Variants in NCKAP5 observed in about 807,000 individuals in gnomAD.
NCKAP5 encodes the protein nck-associated protein 5.
NCKAP5 carries 92 observed loss-of-function variants against 167.0 expected under a neutral mutation model. That is an observed-to-expected ratio of 0.55 (90% CI 0.47 to 0.66). The LOEUF (loss-of-function observed/expected upper bound fraction) is 0.66, where lower values mean the gene tolerates loss of function less well. Among genes scored for constraint, NCKAP5 ranks in the 30% least tolerant of loss-of-function variants. The pLI is 0.00. For missense variants in NCKAP5, 2,378 were observed against 2,315.0 expected (o/e 1.03, Z -0.56); for synonymous variants, 891 against 877.4 (o/e 1.02, Z -0.27).
At chr2:132,751,382 G>A (rs934080013) in intron 16 of NCKAP5, among the ~76,000 whole-genome samples, 4 of 151,988 alleles carry the variant, frequency 2.6e-5, no homozygotes, top group South Asian at 4.2e-4. Context: ...ATGCTTGTAC[G>A]GCCTGCAGAA....
At chr2:133,565,253 G>A (rs1688464438) in intron 1 of NCKAP5, among the ~76,000 whole-genome samples, 1 of 152,192 alleles carries the variant, frequency 6.6e-6, no homozygotes, top group Non-Finnish European at 1.5e-5. Flanking sequence ...AACCATGGCT[G>A]GATCTGAATC....
At chr2:132,760,467 G>T (rs1184599184) in intron 16 of NCKAP5, among the ~76,000 whole-genome samples, 2 of 152,090 alleles carry the variant, frequency 1.3e-5, no homozygotes, top group African/African-American at 2.4e-5. Flanking sequence ...TCAGAAAGAA[G>T]TTCACTGACA....
chr2:133,165,841 A>G (rs1400504626), intron 5 of NCKAP5, among the ~76,000 whole-genome samples: 5 of 152,224 alleles, frequency 3.3e-5, no homozygotes, highest in African/African-American at 4.8e-5. Flanking sequence ...ATATTTCACT[A>G]TAATCAACTA....
At chr2:133,087,347 T>C (rs528102586) in intron 6 of NCKAP5, among the ~76,000 whole-genome samples, 1 of 152,304 alleles carries the variant, frequency 6.6e-6, no homozygotes, top group African/African-American at 2.4e-5. Context: ...TCTAAAAAAA[T>C]TGCTCCTTCT....
intron 7 of NCKAP5, among the ~76,000 whole-genome samples, chr2:132,967,502 G>A (rs1421667498): frequency 6.6e-6 from 1 of 152,064 alleles, no homozygotes; most frequent in African/African-American, 2.4e-5. Context: ...AGTAAGTTTT[G>A]TCCTTACAGG....
At chr2:133,654,371 C>T in the NCKAP5 span, among the ~76,000 whole-genome samples, 3 of 129,828 alleles carry the variant, frequency 2.3e-5, no homozygotes, top group African/African-American at 8.8e-5. Flanking sequence ...AAGCGAGACT[C>T]TATCTCAAAT....
chr2:132,794,263 T>TATATATATAGAGAGAG (rs762281677), intron 12 of NCKAP5, among the ~76,000 whole-genome samples: 2 of 11,892 alleles, frequency 1.7e-4, no homozygotes, highest in Non-Finnish European at 3.5e-4. Context: ...TATATATATA[T>TATATATATAGAGAGAG]AGAGAGAGAG....
intron 3 of NCKAP5, among the ~76,000 whole-genome samples, chr2:133,312,102 T>C (rs190770594): frequency 6.6e-6 from 1 of 152,262 alleles, no homozygotes; most frequent in East Asian, 1.9e-4. Flanking sequence ...AGATAACTGA[T>C]GATAAGAAAG....
chr2:133,229,964 T>C (rs1308061761), intron 4 of NCKAP5, among the ~76,000 whole-genome samples: 1 of 152,108 alleles, frequency 6.6e-6, no homozygotes, highest in African/African-American at 2.4e-5. Flanking sequence ...TGTGGGAGTG[T>C]ATCTTTATTT....
At chr2:133,217,478 A>G (rs1004883488) in intron 4 of NCKAP5, among the ~76,000 whole-genome samples, 2 of 152,074 alleles carry the variant, frequency 1.3e-5, no homozygotes, top group African/African-American at 2.4e-5. Context: ...TATTAAACAC[A>G]TTGTCTCATA....
chr2:133,178,592 G>A (rs1348802336), intron 5 of NCKAP5, among the ~76,000 whole-genome samples: 5 of 147,378 alleles, frequency 3.4e-5, no homozygotes, highest in Admixed American at 1.4e-4. Flanking sequence ...TTGGGAGGCC[G>A]ATGCGGGCGG....
intron 3 of NCKAP5, among the ~76,000 whole-genome samples, chr2:133,428,482 G>A (rs1183409904): frequency 6.6e-6 from 1 of 152,076 alleles, no homozygotes; most frequent in Non-Finnish European, 1.5e-5. Context: ...ACCCATTCTT[G>A]AGGGATTTAA....
At chr2:133,360,036 TA>T (rs1392906945) in intron 3 of NCKAP5, among the ~76,000 whole-genome samples, 2 of 152,164 alleles carry the variant, frequency 1.3e-5, no homozygotes, top group African/African-American at 4.8e-5. Context: ...GTCATGATTT[TA>T]TACCTCTCTT....
At chr2:133,289,770 G>GA (rs1164316149) in intron 4 of NCKAP5, among the ~76,000 whole-genome samples, 3 of 151,936 alleles carry the variant, frequency 2.0e-5, no homozygotes, top group South Asian at 2.1e-4. Flanking sequence ...GATTTATACA[G>GA]AAAAAAACAT....
chr2:133,441,094 TCACACACACACA>T (rs56053040), intron 3 of NCKAP5, among the ~76,000 whole-genome samples: 1 of 149,628 alleles, frequency 6.7e-6, no homozygotes, highest in Non-Finnish European at 1.5e-5. Flanking sequence ...ACACACACAC[TCACACACACACA>T]CACACACACA....
At chr2:132,937,747 G>A (rs1409886401) in intron 8 of NCKAP5, among the ~76,000 whole-genome samples, 1 of 152,218 alleles carries the variant, frequency 6.6e-6, no homozygotes, top group Non-Finnish European at 1.5e-5. Context: ...TATTCAACTG[G>A]TGTGCAACAG....
chr2:133,338,837 A>C (rs1421872419), intron 3 of NCKAP5, among the ~76,000 whole-genome samples: 1 of 151,952 alleles, frequency 6.6e-6, no homozygotes, highest in Non-Finnish European at 1.5e-5. Flanking sequence ...GTGAAACCCT[A>C]TCTCTCCAAA....
chr2:133,172,228 C>T (rs2084278757), intron 5 of NCKAP5, among the ~76,000 whole-genome samples: 3 of 152,198 alleles, frequency 2.0e-5, no homozygotes, highest in South Asian at 4.1e-4. Flanking sequence ...CACTATGCTG[C>T]TTCCTAAATA....
intron 4 of NCKAP5, among the ~76,000 whole-genome samples, chr2:133,293,238 G>C (rs1275960330): frequency 6.6e-6 from 1 of 152,192 alleles, no homozygotes; most frequent in East Asian, 1.9e-4. Context: ...GTTCTATGAT[G>C]AATTAAAGAA....
Sources: allele counts gnomAD v4.1 joint callset (sites outside exome capture counted in the v4.1 genomes callset), GRCh38; gene constraint gnomAD v4.1.1; transcripts MANE v1.5; gene names NCBI Gene and HGNC (gene_info 2026-07-23, HGNC 2026-07-21).